TMX3: variants seen among roughly 807,000 people sequenced by gnomAD.
TMX3 encodes protein disulfide-isomerase TMX3.
In TMX3, 40 loss-of-function variants were observed where a neutral mutation model predicts 64.4. The observed-to-expected ratio is 0.62, with a 90% CI of 0.48 to 0.81. The LOEUF (loss-of-function observed/expected upper bound fraction) is 0.81. TMX3 is among the 30% of genes least tolerant of loss of function. The pLI, the probability that TMX3 is intolerant of heterozygous loss-of-function variation, is 0.00. For missense variants in TMX3, 497 were observed against 534.5 expected (o/e 0.93, Z 0.69); for synonymous variants, 189 against 175.7 (o/e 1.08, Z -0.60).
intron 10 of TMX3, 35 bp from the exon 11 acceptor site, chr18:68,684,520 C>A: frequency 1.9e-6 from 3 of 1,570,242 alleles, no homozygotes; most frequent in Non-Finnish European, 2.6e-6. Context: ...AATTCAATCA[C>A]CCTTATTACA....
At chr18:68,680,085 T>C (rs957736097) in intron 14 of TMX3, among the ~76,000 whole-genome samples, 24 of 152,308 alleles carry the variant, frequency 1.6e-4, no homozygotes, top group African/African-American at 5.1e-4. Context: ...AGGCTGATTA[T>C]TTATATAGGT....
At chr18:68,703,297 G>A (rs1365183660) in intron 4 of TMX3, among the ~76,000 whole-genome samples, 1 of 152,042 alleles carries the variant, frequency 6.6e-6, no homozygotes, top group African/African-American at 2.4e-5. Context: ...TAATTGATTG[G>A]GGGACAAAGT....
chr18:68,686,950 G>A, intron 10 of TMX3: 1 of 983,516 alleles, frequency 1.0e-6, no homozygotes, highest in South Asian at 4.7e-5. Context: ...CAATCATGAA[G>A]AGGAAACCCT....
At position 68,698,116 on chromosome 18, in the gene TMX3, C is replaced by T. The variant is rs1915295343; in HGVS notation, c.393-85G>A. On this transcript the variant is annotated intron_variant, in intron 6 of 15. Coordinates refer to ENST00000299608, the MANE Select transcript of TMX3 (RefSeq NM_019022.5). ...ATTTATACTATAACTAATCATGTCT[C>T]AAGTTATTAAGTTTCAATAATATAT... 17 of 848,080 alleles carry T rather than the reference C, an allele frequency of 2.0e-5. No homozygotes were observed. In the South Asian group the frequency reaches 2.2e-4, roughly 11 times the overall value. 52.5% of individuals were successfully genotyped at this position (848,080 alleles called of 1,614,324 possible).
At chr18:68,694,473 A>C (rs1914858888) in intron 8 of TMX3, among the ~76,000 whole-genome samples, 1 of 152,210 alleles carries the variant, frequency 6.6e-6, no homozygotes, top group Admixed American at 6.5e-5. Context: ...CGCAGTGGCC[A>C]GATTCCACGC....
intron 7 of TMX3, 96 bp downstream of exon 7, chr18:68,697,836 G>T: frequency 1.4e-6 from 1 of 710,638 alleles, no homozygotes. Context: ...TCCAGTAAGT[G>T]CAGAGTAATA....
chr18:68,715,088 A>C lies in TMX3; in HGVS notation c.-107T>G. On this transcript the variant is annotated 5_prime_UTR_variant, in exon 1 of 16. Coordinates refer to ENST00000299608, the MANE Select transcript of TMX3 (RefSeq NM_019022.5). Reference sequence around the variant, plus strand: ...GGGAAACGGAGCCGACCCGGAGCGGAAGAGAAGCACCGCGCTAACTACGGG... The same window carrying C: ...GGGAAACGGAGCCGACCCGGAGCGGCAGAGAAGCACCGCGCTAACTACGGG... The C allele has an allele frequency of 6.5e-7, 1 of 1,533,328 alleles. No individual in the cohort carries two copies. The highest frequency in any genetic ancestry group is 8.8e-7 in the Non-Finnish European group (1 of 1,137,638). 95.0% of individuals were successfully genotyped at this position (1,533,328 alleles called of 1,614,324 possible). A position where few individuals can be genotyped will look rare whatever the true frequency, so the allele number is the denominator to read the frequency against.
chr18:68,697,332 A>T (rs1335351583), intron 7 of TMX3, 29 bp from the exon 8 acceptor site: 10 of 1,383,926 alleles, frequency 7.2e-6, no homozygotes, highest in African/African-American at 1.5e-5. Context: ...AAAAAAGATC[A>T]TTGAAAAATA....
At chr18:68,710,590 G>A (rs1028086436) in intron 3 of TMX3, among the ~76,000 whole-genome samples, 1 of 152,102 alleles carries the variant, frequency 6.6e-6, no homozygotes, top group Non-Finnish European at 1.5e-5. Flanking sequence ...GTAACCACTG[G>A]CAAGAAGGGG....
chr18:68,711,107 G>T (rs930156551), intron 3 of TMX3, among the ~76,000 whole-genome samples: 10 of 152,076 alleles, frequency 6.6e-5, no homozygotes, highest in Non-Finnish European at 1.5e-4. Context: ...TGACCTCATT[G>T]TAAGACAGGG....
chr18:68,714,845 G>A lies in TMX3; in HGVS notation c.46+91C>T, dbSNP rs543165825. 3.5e-4 allele frequency: 531 copies of A among 1,512,028 alleles called. 2 individuals are homozygous for A. In the African/African-American group the frequency reaches 6.8e-3, roughly 19 times the overall value. 93.7% of individuals were successfully genotyped at this position (1,512,028 alleles called of 1,614,324 possible). Reference sequence around the variant, plus strand: ...GTGGGCATCTCCACGAACCCCGCAGGCCTCGCCCCAGACCCGGGTCCAATC... The same window carrying A: ...GTGGGCATCTCCACGAACCCCGCAGACCTCGCCCCAGACCCGGGTCCAATC... On this transcript the variant is annotated intron_variant, in intron 1 of 15. Transcript: ENST00000299608.
chr18:68,697,762 A>G, intron 7 of TMX3, 170 bp downstream of exon 7: 1 of 518,966 alleles, frequency 1.9e-6, no homozygotes, highest in Non-Finnish European at 3.4e-6. Context: ...ATAGGAAAAC[A>G]TGACAGAAGG....
At chr18:68,684,615 T>C (rs1177054766) in intron 10 of TMX3, 130 bp from the exon 11 acceptor site, 4 of 730,894 alleles carry the variant, frequency 5.5e-6, no homozygotes, top group South Asian at 5.3e-5. Context: ...CTACATGTTA[T>C]ATCAAATTAA....
At chr18:68,711,602 G>T (rs545520681) in intron 2 of TMX3, among the ~76,000 whole-genome samples, 199 bp from the exon 3 acceptor site, 5 of 152,256 alleles carry the variant, frequency 3.3e-5, no homozygotes, top group East Asian at 1.9e-4. Flanking sequence ...CAATGATAAA[G>T]TAATTAGGAG....
chr18:68,712,751 T>C (rs767316495), intron 2 of TMX3, among the ~76,000 whole-genome samples: 10 of 152,086 alleles, frequency 6.6e-5, no homozygotes, highest in Non-Finnish European at 1.5e-4. Context: ...ACAATCGTTC[T>C]TCTCAGAATC....
At position 68,710,267 on chromosome 18, in the gene TMX3, C is replaced by T. The variant is rs920842550; in HGVS notation, c.142-123G>A. On this transcript the variant is annotated intron_variant, in intron 3 of 15. Coordinates refer to ENST00000299608, the MANE Select transcript of TMX3 (RefSeq NM_019022.5). ...CTAAATGATCTAATAATGTTTTAGA[C>T]AAGAAGTTTAAATATAATTTTTAAA... 4.3e-6 allele frequency: 4 copies of T among 932,978 alleles called. No individual in the cohort carries two copies. In the African/African-American group the frequency reaches 5.2e-5, roughly 12 times the overall value. 57.8% of individuals were successfully genotyped at this position (932,978 alleles called of 1,614,324 possible).
intron 8 of TMX3, among the ~76,000 whole-genome samples, chr18:68,694,301 T>C (rs1191262229): frequency 1.3e-5 from 2 of 152,148 alleles, no homozygotes; most frequent in South Asian, 2.1e-4. Context: ...GGCTCTGCAG[T>C]TCCTGGCGTC....
At chr18:68,709,441 T>A (rs2031043387) in intron 4 of TMX3, among the ~76,000 whole-genome samples, 1 of 152,116 alleles carries the variant, frequency 6.6e-6, no homozygotes, top group East Asian at 1.9e-4. Context: ...CATAAACAGA[T>A]AACAAATAGC....
At chr18:68,687,036 C>T in intron 10 of TMX3, 4 of 982,352 alleles carry the variant, frequency 4.1e-6, no homozygotes, top group Non-Finnish European at 4.8e-6. Context: ...AGCTATACTT[C>T]CATCCTACTT....
Sources: allele counts gnomAD v4.1 joint callset (sites outside exome capture counted in the v4.1 genomes callset), GRCh38; gene constraint gnomAD v4.1.1; transcripts MANE v1.5; gene names NCBI Gene and HGNC (gene_info 2026-07-23, HGNC 2026-07-21).